The following GPM6A variants were observed in gnomAD, a reference collection of about 807,000 sequenced individuals.
GPM6A encodes the protein glycoprotein M6A.
In GPM6A, 7 loss-of-function variants were observed where a neutral mutation model predicts 32.1. The ratio of observed to expected loss-of-function variants is 0.22; its 90% confidence interval spans 0.12 to 0.41. GPM6A has a LOEUF of 0.41. GPM6A is among the 10% of genes least tolerant of loss of function. The pLI is 1.00. For synonymous variants in GPM6A, 130 were observed against 123.4 expected, an observed-to-expected ratio of 1.05 and a Z score of -0.35; for missense variants, 235 against 347.2, an observed-to-expected ratio of 0.68 and a Z score of 2.57.
chr4:175,657,737 A>G (rs1579350014), intron 3 of GPM6A, among the ~76,000 whole-genome samples: 1 of 152,174 alleles, frequency 6.6e-6, no homozygotes, highest in African/African-American at 2.4e-5. Flanking sequence ...TGTATAATAT[A>G]GGACATTTAA....
chr4:175,683,744 G>A (rs1311120882), intron 2 of GPM6A, among the ~76,000 whole-genome samples: 3 of 151,930 alleles, frequency 2.0e-5, no homozygotes, highest in African/African-American at 7.3e-5. Context: ...ACTATGATAG[G>A]AAGATTCCTG....
intron 1 of GPM6A, among the ~76,000 whole-genome samples, chr4:175,810,723 T>C (rs1734884977): frequency 6.6e-6 from 1 of 152,220 alleles, no homozygotes; most frequent in Non-Finnish European, 1.5e-5. Flanking sequence ...ATAAGTATCA[T>C]TATTAGGTAT....
chr4:175,870,835 C>T (rs917839995), intron 1 of GPM6A, among the ~76,000 whole-genome samples: 3 of 152,050 alleles, frequency 2.0e-5, no homozygotes, highest in Non-Finnish European at 4.4e-5. Context: ...TTCAAAGCCT[C>T]GAAGTCCTCT....
In GPM6A at chr4:175,701,787, G is replaced by A. The variant is rs371360656; in HGVS notation, c.38-20C>T. 7.8e-6 allele frequency: 12 copies of A among 1,540,484 alleles called. No individual in the cohort carries two copies. The highest frequency in any genetic ancestry group is 1.1e-5 in the Non-Finnish European group (12 of 1,131,986). On this transcript the variant is annotated intron_variant, in intron 1 of 6. Coordinates refer to ENST00000393658, the MANE Select transcript of GPM6A (RefSeq NM_201591.3). ...AACACCCTGTAGAAGATCACAAAGG[G>A]AGAAATTCATATTTTTGTTAACCTA...
intron 1 of GPM6A, among the ~76,000 whole-genome samples, chr4:175,865,849 T>C (rs1328374673): frequency 2.0e-5 from 3 of 152,160 alleles, no homozygotes; most frequent in African/African-American, 7.2e-5. Flanking sequence ...AGTGATTTGA[T>C]AGGAAACCAC....
rs1272978387 is a variant in GPM6A, at chr4:175,954,801, G to A, written c.-23+47508C>T. ...CTTGGAGTATTTTCTACATATCTAG[G>A]GCAAGAGTAGAACTTTACCCTGGCT... On this transcript the variant is annotated intron_variant, in intron 1 of 7. Transcript: ENST00000280187. Among the ~76,000 whole-genome samples the A allele has an allele frequency of 3.9e-5, 6 of 152,258 alleles. No homozygotes were observed. The South Asian group carries it at 1.2e-3, about 32-fold the overall frequency.
chr4:175,866,722 A>G (rs1171005486), intron 1 of GPM6A, among the ~76,000 whole-genome samples: 1 of 152,210 alleles, frequency 6.6e-6, no homozygotes, highest in Admixed American at 6.5e-5. Context: ...AAGCTGCTAT[A>G]AAGATCCATG....
At chr4:175,920,420 AC>A (rs1378053690) in intron 1 of GPM6A, among the ~76,000 whole-genome samples, 2 of 152,242 alleles carry the variant, frequency 1.3e-5, no homozygotes, top group Non-Finnish European at 2.9e-5. Context: ...TTCCATGCAT[AC>A]AGCAAGCACT....
At chr4:175,885,188 A>C (rs1375004325) in intron 1 of GPM6A, among the ~76,000 whole-genome samples, 1 of 152,266 alleles carries the variant, frequency 6.6e-6, no homozygotes. Flanking sequence ...GAAATACTAC[A>C]AAATGATGAT....
In GPM6A at chr4:175,637,271, ATATTATATATTATAT is replaced by A. The variant is rs1740727244; in HGVS notation, c.685-2229_685-2215del. ...ATATATAATATAAAATATATATTATATATTATATATTATATAAAATATATATTATATATTATATAT... is the reference window on the plus strand; with the variant it reads ...ATATATAATATAAAATATATATTATAAAAATATATATTATATATTATATAT... On this transcript the variant is annotated intron_variant, in intron 6 of 6. Transcript: ENST00000393658. Among the ~76,000 whole-genome samples, 5 of 69,170 alleles carry A rather than the reference ATATTATATATTATAT, an allele frequency of 7.2e-5. 1 individual carries two copies. Among genetic ancestry groups the A allele is most frequent in the Middle Eastern group, 0.026 (2 of 78 alleles). 45.4% of individuals were successfully genotyped at this position (69,170 alleles called of 152,430 possible).
At chr4:175,765,241 T>G (rs1732917352) in intron 1 of GPM6A, among the ~76,000 whole-genome samples, 1 of 152,114 alleles carries the variant, frequency 6.6e-6, no homozygotes, top group African/African-American at 2.4e-5. Context: ...TCAAATCATA[T>G]GCAAACAGCT....
At chr4:175,655,358 A>G (rs1358397809) in intron 3 of GPM6A, among the ~76,000 whole-genome samples, 2 of 152,116 alleles carry the variant, frequency 1.3e-5, no homozygotes, top group Non-Finnish European at 2.9e-5. Flanking sequence ...TTTATGTTCT[A>G]TTTCAGAATC....
intron 1 of GPM6A, among the ~76,000 whole-genome samples, chr4:175,847,989 C>G (rs920855781): frequency 6.6e-6 from 1 of 152,142 alleles, no homozygotes; most frequent in African/African-American, 2.4e-5. Flanking sequence ...CTATAGTTTC[C>G]TAACAAAGTA....
chr4:175,829,171 C>A lies in GPM6A; in HGVS notation c.-22-16922G>T, dbSNP rs369995956. Among the ~76,000 whole-genome samples, 7 of 152,326 alleles carry A rather than the reference C, an allele frequency of 4.6e-5. No homozygotes were observed. The East Asian group carries it at 1.2e-3, about 25-fold the overall frequency. ...TCTCGAAATCCTGAGCTCAAGCAAC[C>A]CACCTGCCTTGGCCTTCCAAAGTGC... On this transcript the variant is annotated intron_variant, in intron 1 of 7. Transcript: ENST00000280187.
chr4:175,686,888 C>T (rs10520302), intron 2 of GPM6A, among the ~76,000 whole-genome samples: 8,909 of 152,248 alleles, frequency 0.059, 571 homozygotes, highest in East Asian at 0.35. Flanking sequence ...TGGTTTGACA[C>T]ACAAGTTGCT....
chr4:175,926,920 C>T (rs1038846867), intron 1 of GPM6A, among the ~76,000 whole-genome samples: 6 of 152,268 alleles, frequency 3.9e-5, no homozygotes, highest in African/African-American at 2.4e-5. Context: ...TTAGTCACTT[C>T]GCTTTCAATT....
chr4:175,763,092 T>TA, intron 1 of GPM6A, among the ~76,000 whole-genome samples: 1 of 152,348 alleles, frequency 6.6e-6, no homozygotes, highest in Admixed American at 6.5e-5. Flanking sequence ...ATAAAGTTGT[T>TA]AAAAAATAGA....
intron 1 of GPM6A, among the ~76,000 whole-genome samples, chr4:175,790,669 C>A (rs1733976807): frequency 6.6e-6 from 1 of 152,084 alleles, no homozygotes; most frequent in Non-Finnish European, 1.5e-5. Context: ...TTATATTGTA[C>A]AATGGAAATT....
At chr4:175,849,086 T>C (rs1278609840) in intron 1 of GPM6A, among the ~76,000 whole-genome samples, 4 of 152,204 alleles carry the variant, frequency 2.6e-5, no homozygotes, top group Non-Finnish European at 4.4e-5. Flanking sequence ...TATAAATTTG[T>C]ATAGATTTAA....
Sources: allele counts gnomAD v4.1 joint callset (sites outside exome capture counted in the v4.1 genomes callset), GRCh38; gene constraint gnomAD v4.1.1; transcripts MANE v1.5; gene names NCBI Gene and HGNC (gene_info 2026-07-23, HGNC 2026-07-21).